Variants in CRTAC1 observed in about 807,000 individuals in gnomAD.
The protein encoded by CRTAC1 is cartilage acidic protein 1, also known as acidic secreted protein in cartilage.
CRTAC1 carries 37 observed loss-of-function variants against 67.8 expected under a neutral mutation model. That is an observed-to-expected ratio of 0.55 (90% CI 0.42 to 0.72). The LOEUF (loss-of-function observed/expected upper bound fraction) is 0.72. Among genes scored for constraint, CRTAC1 ranks in the 30% least tolerant of loss-of-function variants. CRTAC1 has a pLI of 0.00. For synonymous variants in CRTAC1, 348 were observed against 371.0 expected, an observed-to-expected ratio of 0.94 and a Z score of 0.71; for missense variants, 780 against 931.6, an observed-to-expected ratio of 0.84 and a Z score of 2.12.
chr10:97,960,928 G>A (rs2051514945), intron 2 of CRTAC1, among the ~76,000 whole-genome samples: 1 of 152,210 alleles, frequency 6.6e-6, no homozygotes, highest in Admixed American at 6.5e-5. Context: ...TCCTAAAAAT[G>A]TATAAGCCAT....
At chr10:97,911,016 C>T in intron 5 of CRTAC1, among the ~76,000 whole-genome samples, 1 of 152,184 alleles carries the variant, frequency 6.6e-6, no homozygotes, top group East Asian at 1.9e-4. Flanking sequence ...CTTCCAGAGG[C>T]CTGTCCTAAA....
At chr10:97,913,624 T>G (rs1004893112) in intron 5 of CRTAC1, among the ~76,000 whole-genome samples, 5 of 152,230 alleles carry the variant, frequency 3.3e-5, no homozygotes, top group South Asian at 2.1e-4. Flanking sequence ...ACTCATCAAA[T>G]GCATCTGACA....
At chr10:98,028,267 G>T (rs1228701904) in intron 1 of CRTAC1, among the ~76,000 whole-genome samples, 2 of 152,216 alleles carry the variant, frequency 1.3e-5, no homozygotes, top group Non-Finnish European at 2.9e-5. Flanking sequence ...GTGGTTGAAG[G>T]CTGTAGCCTG....
intron 4 of CRTAC1, among the ~76,000 whole-genome samples, chr10:97,920,446 T>C (rs1241099233): frequency 6.6e-6 from 1 of 152,200 alleles, no homozygotes; most frequent in African/African-American, 2.4e-5. Flanking sequence ...GCCAATGCAG[T>C]GGTTCCCACA....
chr10:98,002,480 G>A (rs1305144977), intron 2 of CRTAC1, among the ~76,000 whole-genome samples: 6 of 152,100 alleles, frequency 3.9e-5, no homozygotes, highest in Admixed American at 2.6e-4. Flanking sequence ...CCATTGAAAT[G>A]CCACCTCCAG....
chr10:97,907,937 G>A (rs115287855), intron 6 of CRTAC1, 76 bp downstream of exon 6: 3 of 1,518,314 alleles, frequency 2.0e-6, no homozygotes, highest in Admixed American at 1.7e-5. Context: ...TCCTGGAGGG[G>A]GCAGGGCAGT....
intron 1 of CRTAC1, among the ~76,000 whole-genome samples, chr10:98,028,107 CA>C (rs1313544360): frequency 6.6e-6 from 1 of 152,150 alleles, no homozygotes; most frequent in African/African-American, 2.4e-5. Flanking sequence ...GCACCAAGCA[CA>C]AAGGAATGAT....
intron 3 of CRTAC1, among the ~76,000 whole-genome samples, chr10:97,934,919 G>C (rs1373786082): frequency 6.8e-6 from 1 of 147,244 alleles, no homozygotes; most frequent in African/African-American, 2.5e-5. Context: ...GAGATCCTGA[G>C]AGCTGAGCCT....
intron 12 of CRTAC1, 100 bp downstream of exon 12, chr10:97,884,106 A>T: frequency 7.2e-7 from 1 of 1,383,626 alleles, no homozygotes; most frequent in Non-Finnish European, 9.8e-7. Context: ...CCATCACTCT[A>T]GAGGCTGAGT....
intron 8 of CRTAC1, among the ~76,000 whole-genome samples, chr10:97,899,020 G>A (rs2050498320): frequency 6.6e-6 from 1 of 152,156 alleles, no homozygotes; most frequent in East Asian, 1.9e-4. Flanking sequence ...CAAGCACACT[G>A]AGGCTTTATG....
chr10:98,007,467 G>C (rs770653473), intron 2 of CRTAC1, among the ~76,000 whole-genome samples: 61 of 152,224 alleles, frequency 4.0e-4, no homozygotes, highest in Non-Finnish European at 7.2e-4. Flanking sequence ...GATGCGCTGA[G>C]AATTCGCAAT....
intron 7 of CRTAC1, 73 bp downstream of exon 7, chr10:97,904,596 T>A (rs1466813871): frequency 7.0e-7 from 1 of 1,429,260 alleles, no homozygotes; most frequent in Non-Finnish European, 9.2e-7. Context: ...ATTTTTGGTA[T>A]TTTTAGTAGA....
At position 98,030,213 on chromosome 10, in the gene CRTAC1, C is replaced by T. The variant is rs1222918891; in HGVS notation, c.24+236G>A. ...CCCCCACACATCAGCTCCCACCTCT[C>T]CGCCACCTCCAACCCGGCCGCCGCC... On this transcript the variant is annotated intron_variant, in intron 1 of 14. Coordinates refer to ENST00000370597, the MANE Select transcript of CRTAC1 (RefSeq NM_018058.7). The surrounding 1 kb of genome is among the most constrained non-coding windows in gnomAD (Gnocchi z 4.2). 7.9e-5 allele frequency among the ~76,000 whole-genome samples: 12 copies of T among 152,092 alleles called. No homozygotes were observed. The highest frequency in any genetic ancestry group is 1.3e-4 in the Non-Finnish European group (9 of 67,980).
At chr10:97,939,253 C>A (rs551900587) in intron 2 of CRTAC1, among the ~76,000 whole-genome samples, 2 of 152,198 alleles carry the variant, frequency 1.3e-5, no homozygotes, top group Admixed American at 6.5e-5. Flanking sequence ...AAGGTCCCTG[C>A]ACCATGGTAG....
intron 2 of CRTAC1, among the ~76,000 whole-genome samples, chr10:98,005,100 ATTTTT>A (rs10683960): frequency 2.0e-5 from 1 of 48,926 alleles, no homozygotes; most frequent in Admixed American, 2.7e-4. Flanking sequence ...ATATATATAT[ATTTTT>A]TTTTTTTTTT....
At chr10:98,010,334 C>A (rs886299273) in intron 2 of CRTAC1, among the ~76,000 whole-genome samples, 4 of 152,138 alleles carry the variant, frequency 2.6e-5, no homozygotes, top group African/African-American at 9.7e-5. Flanking sequence ...GCCACTGCAC[C>A]CGGCCCTCAA....
At chr10:97,889,396 G>A (rs184234223) in intron 11 of CRTAC1, among the ~76,000 whole-genome samples, 87 of 151,452 alleles carry the variant, frequency 5.7e-4, no homozygotes, top group Non-Finnish European at 1.1e-3. Flanking sequence ...CTGGAGGTCC[G>A]TCTGCACCGA....
chr10:97,865,941 G>C, intron 14 of CRTAC1: 1 of 582,498 alleles, frequency 1.7e-6, no homozygotes, highest in Non-Finnish European at 2.8e-6. Flanking sequence ...TCCCGATGGG[G>C]CTGGTCTGGG....
chr10:98,016,335 G>A (rs1416699537), intron 1 of CRTAC1, among the ~76,000 whole-genome samples: 1 of 152,178 alleles, frequency 6.6e-6, no homozygotes, highest in Non-Finnish European at 1.5e-5. Context: ...AAGTAAGCGC[G>A]GGAATGAGTA....
Sources: gnomAD v4.1 joint callset for allele counts (sites outside exome capture counted in the v4.1 genomes callset) on GRCh38, gnomAD v4.1.1 for gene constraint, Gnocchi (gnomAD v3.1) non-coding constraint, MANE v1.5 for transcripts, NCBI Gene and HGNC (gene_info 2026-07-23, HGNC 2026-07-21) for gene names.